Variants in ARHGAP23 observed in about 807,000 individuals in gnomAD.
The protein encoded by ARHGAP23 is rho GTPase-activating protein 23.
ARHGAP23 carries 34 observed loss-of-function variants against 136.3 expected under a neutral mutation model. The observed-to-expected ratio is 0.25, with a 90% CI of 0.19 to 0.33. The LOEUF is 0.33. ARHGAP23 is among the 10% of genes least tolerant of loss of function. ARHGAP23 has a pLI of 1.00. For missense variants in ARHGAP23, 1,808 were observed against 2,139.0 expected, an observed-to-expected ratio of 0.85 and a Z score of 3.05; for synonymous variants, 832 against 920.5, an observed-to-expected ratio of 0.90 and a Z score of 1.74.
At chr17:38,491,103 C>T (rs1239144714) in intron 19 of ARHGAP23, among the ~76,000 whole-genome samples, 3 of 152,026 alleles carry the variant, frequency 2.0e-5, no homozygotes, top group Non-Finnish European at 2.9e-5. Flanking sequence ...CCTAAAATAA[C>T]CCCTGGGACC....
chr17:38,476,482 A>G (rs2144692830), intron 11 of ARHGAP23, among the ~76,000 whole-genome samples: 1 of 152,190 alleles, frequency 6.6e-6, no homozygotes, highest in Non-Finnish European at 1.5e-5. Context: ...ATGGTAAGAA[A>G]TCACATGGCC....
chr17:38,506,999 A>G (rs9899512), intron 23 of ARHGAP23, among the ~76,000 whole-genome samples: 129,093 of 152,092 alleles, frequency 0.85, 55,059 homozygotes, highest in East Asian at 0.99. Context: ...CTGTGGGCGC[A>G]GTGGCTGATG....
At chr17:38,461,406 A>T (rs929271217) in intron 3 of ARHGAP23, among the ~76,000 whole-genome samples, 1 of 151,706 alleles carries the variant, frequency 6.6e-6, no homozygotes, top group African/African-American at 2.4e-5. Flanking sequence ...TGTGAGCCTG[A>T]CTCCCCTTGC....
chr17:38,479,057 C>T (rs900454392), intron 12 of ARHGAP23, among the ~76,000 whole-genome samples: 9 of 152,172 alleles, frequency 5.9e-5, no homozygotes, highest in Admixed American at 4.6e-4. Flanking sequence ...TGGCTGTCCC[C>T]AACAAGGCTT....
In ARHGAP23 at chr17:38,479,810, C is replaced by T. The variant is rs1487322285; in HGVS notation, c.2556C>T (p.Gly852=). The T allele has an allele frequency of 6.5e-7, 1 of 1,530,042 alleles. No individual in the cohort carries two copies. The highest frequency in any genetic ancestry group is 1.4e-5 in the African/African-American group (1 of 72,242). 94.8% of individuals were successfully genotyped at this position (1,530,042 alleles called of 1,614,324 possible). Residue 852 remains glycine (G), a synonymous_variant, in exon 14 of 24, where the codon GGC becomes GGT. Transcript: ENST00000622683. ...CCAAAGGCTCTCGCGGCCTGGGGGG[C>T]CTCAAGTCTGAGTTCCTCAAGCAGA... ...SSPKGSRGLG[G]LKSEFLKQSA...
intron 1 of ARHGAP23, among the ~76,000 whole-genome samples, chr17:38,443,028 C>T (rs1335612132): frequency 1.3e-5 from 2 of 152,206 alleles, no homozygotes; most frequent in Non-Finnish European, 2.9e-5. Context: ...CTATCTCTGT[C>T]TTTATTTTAT....
In ARHGAP23 at chr17:38,490,146, C is replaced by A. The variant is rs761771854; in HGVS notation, c.3031C>A (p.Arg1011=). ...FIEANRIEDA[R]ERMRTLRKLI... is the part of the protein sequence containing the mutation. ...CGAGGCCAACCGCATTGAGGACGCG[C>A]GGGAGCGAATGAGGACGCTGCGGAA... is the stretch of plus-strand genomic sequence containing the variant. The change falls in exon 18 of 24, where the codon CGG becomes AGG. Residue 1011 remains arginine, a synonymous_variant. Transcript: ENST00000622683. 8 of 1,551,770 alleles carry A rather than the reference C, an allele frequency of 5.2e-6. No individual in the cohort carries two copies. The highest frequency in any genetic ancestry group is 7.0e-6 in the Non-Finnish European group (8 of 1,146,880).
At chr17:38,473,412 T>C (rs2039811854) in intron 11 of ARHGAP23, among the ~76,000 whole-genome samples, 1 of 152,158 alleles carries the variant, frequency 6.6e-6, no homozygotes, top group Non-Finnish European at 1.5e-5. Flanking sequence ...AGCCTCACTT[T>C]CTGATCTGTA....
At chr17:38,457,653 T>C in intron 1 of ARHGAP23, 1 of 195,936 alleles carries the variant, frequency 5.1e-6, no homozygotes, top group Non-Finnish European at 1.0e-5. Flanking sequence ...GCTGGGGCTG[T>C]GTCTGCATAA....
At chr17:38,429,059 G>T (rs940999511) in intron 1 of ARHGAP23, among the ~76,000 whole-genome samples, 1 of 152,220 alleles carries the variant, frequency 6.6e-6, no homozygotes, top group African/African-American at 2.4e-5. Flanking sequence ...CCCCCTGCCG[G>T]GTCGGACTGC....
chr17:38,495,931 CTTG>C (rs1457291143), intron 20 of ARHGAP23, among the ~76,000 whole-genome samples: 1 of 151,978 alleles, frequency 6.6e-6, no homozygotes, highest in South Asian at 2.1e-4. Flanking sequence ...GAGTTTCACT[CTTG>C]TTGTCCAGGC....
rs1459487320 is a variant in ARHGAP23 at position 38,510,313 on chromosome 17, G to T, written c.3817G>T (p.Asp1273Tyr). 2 of 1,278,180 alleles carry T rather than the reference G, an allele frequency of 1.6e-6. No individual in the cohort carries two copies. The highest frequency in any genetic ancestry group is 2.2e-4 in the Middle Eastern group (1 of 4,646). 79.2% of individuals were successfully genotyped at this position (1,278,180 alleles called of 1,614,324 possible). A position where few individuals can be genotyped will look rare whatever the true frequency, so the allele number is the denominator to read the frequency against. ...GASGRRAGAG[D>Y]EADDERSELS... ...TAGCGGTCGGCGGGCAGGGGCGGGG[G>T]ATGAGGCGGACGACGAGCGTAGCGA... Residue 1273 changes from aspartate to tyrosine, a missense_variant, in exon 24 of 24, where the codon GAT becomes TAT. Physicochemically the swap from Asp to Tyr is radical, Grantham distance 160. Coordinates refer to ENST00000622683, the MANE Select transcript of ARHGAP23 (RefSeq NM_001199417.2). The surrounding 1 kb of genome is among the most constrained non-coding windows in gnomAD (Gnocchi z 4.6).
intron 6 of ARHGAP23, 66 bp from the exon 7 acceptor site, chr17:38,466,101 G>C (rs1362395341): frequency 1.5e-6 from 2 of 1,346,468 alleles, no homozygotes; most frequent in Non-Finnish European, 9.6e-7. Flanking sequence ...ACCTCCTCGG[G>C]CTGCCGTTCC....
chr17:38,429,439 C>A (rs183526271), intron 1 of ARHGAP23, among the ~76,000 whole-genome samples: 97 of 152,336 alleles, frequency 6.4e-4, no homozygotes, highest in Middle Eastern at 3.4e-3. Flanking sequence ...TCCCTGAGCT[C>A]GGAAAAGAAA....
rs780851692 is a variant in ARHGAP23 at position 38,460,949 on chromosome 17, G to A, written c.253+17G>A. The A allele has an allele frequency of 8.5e-6, 13 of 1,535,812 alleles. No homozygotes were observed. Among genetic ancestry groups the A allele is most frequent in the African/African-American group, 4.1e-5 (3 of 73,120 alleles). On this transcript the variant is annotated intron_variant, in intron 3 of 23. Coordinates refer to ENST00000622683, the MANE Select transcript of ARHGAP23 (RefSeq NM_001199417.2). ...GTGGAGGAGGTAAGGGAGGACTGGC[G>A]GGCGCTGGACCTGCACGGGACTCCT...
intron 2 of ARHGAP23, among the ~76,000 whole-genome samples, chr17:38,458,901 A>G (rs1407400782): frequency 1.3e-5 from 2 of 152,106 alleles, no homozygotes; most frequent in Admixed American, 6.5e-5. Flanking sequence ...ACATTTATCA[A>G]CTTGACCCCT....
At chr17:38,507,939 G>A (rs2040671459) in intron 23 of ARHGAP23, among the ~76,000 whole-genome samples, 1 of 152,276 alleles carries the variant, frequency 6.6e-6, no homozygotes. Context: ...GTGAGGAGGG[G>A]TTGAAAGGGC....
intron 1 of ARHGAP23, among the ~76,000 whole-genome samples, chr17:38,432,353 A>C (rs2038703535): frequency 6.6e-6 from 1 of 152,130 alleles, no homozygotes; most frequent in Non-Finnish European, 1.5e-5. Context: ...CCTGGGTGAC[A>C]CAAGGAGACC....
In ARHGAP23 at chr17:38,500,397, A is replaced by G. The variant is rs1597846797; in HGVS notation, c.3416-200A>G. 6 of 588,170 alleles carry G rather than the reference A, an allele frequency of 1.0e-5. No homozygotes were observed. In the East Asian group the frequency reaches 1.4e-4, roughly 14 times the overall value. 36.4% of individuals were successfully genotyped at this position (588,170 alleles called of 1,614,324 possible). ...ACTTCCTGCCTCTAGAGGAAGTGGC[A>G]GTTAACATCATTTTCTCCTCCATCC... On this transcript the variant is annotated intron_variant, in intron 22 of 23. Coordinates refer to ENST00000622683, the MANE Select transcript of ARHGAP23 (RefSeq NM_001199417.2).
Sources: gnomAD v4.1 joint callset for allele counts (sites outside exome capture counted in the v4.1 genomes callset) on GRCh38, gnomAD v4.1.1 for gene constraint, Gnocchi (gnomAD v3.1) non-coding constraint, MANE v1.5 for transcripts, NCBI Gene and HGNC (gene_info 2026-07-23, HGNC 2026-07-21) for gene names.